TCF7L1: variants seen among roughly 807,000 people sequenced by gnomAD.
TCF7L1 encodes the protein transcription factor 7-like 1.
TCF7L1 carries 18 observed loss-of-function variants against 63.7 expected under a neutral mutation model. The ratio of observed to expected loss-of-function variants is 0.28; its 90% CI spans 0.20 to 0.42. The LOEUF (loss-of-function observed/expected upper bound fraction) is 0.42. Ranked by LOEUF, TCF7L1 falls within the 10% of genes least tolerant of loss-of-function variation. The pLI is 1.00. For synonymous variants in TCF7L1, 355 were observed against 340.9 expected (o/e 1.04, Z -0.46); for missense variants, 654 against 779.3 (o/e 0.84, Z 1.91).
intron 3 of TCF7L1, among the ~76,000 whole-genome samples, chr2:85,277,062 G>T (rs573021172): frequency 6.6e-6 from 1 of 152,072 alleles, no homozygotes; most frequent in Non-Finnish European, 1.5e-5. Flanking sequence ...TGTGCAGCTG[G>T]GGTGGGGGGC....
intron 3 of TCF7L1, among the ~76,000 whole-genome samples, chr2:85,231,406 G>A (rs147914359): frequency 6.6e-6 from 1 of 152,322 alleles, no homozygotes; most frequent in African/African-American, 2.4e-5. Flanking sequence ...TTTGTTGCCT[G>A]GCCTCTGCCT....
intron 3 of TCF7L1, among the ~76,000 whole-genome samples, chr2:85,156,300 T>C (rs1346260032): frequency 6.6e-6 from 1 of 152,192 alleles, no homozygotes; most frequent in Non-Finnish European, 1.5e-5. Flanking sequence ...ATCCACTAAG[T>C]CAAAGGGATT....
intron 3 of TCF7L1, among the ~76,000 whole-genome samples, chr2:85,177,297 G>A (rs1678698296): frequency 1.3e-5 from 2 of 152,124 alleles, no homozygotes; most frequent in Admixed American, 6.6e-5. Context: ...ATCACATTGG[G>A]GATTGGATTT....
At chr2:85,175,506 A>C (rs1335355241) in intron 3 of TCF7L1, among the ~76,000 whole-genome samples, 2 of 152,158 alleles carry the variant, frequency 1.3e-5, no homozygotes, top group African/African-American at 4.8e-5. Flanking sequence ...AGGCTTGAGC[A>C]TGGGTAGCCA....
In TCF7L1 at chr2:85,134,237, G is replaced by C; in HGVS notation, c.314-86G>C. 1 of 1,479,588 alleles carries C rather than the reference G, an allele frequency of 6.8e-7. No homozygotes were observed. The highest frequency in any genetic ancestry group is 2.4e-5 in the Admixed American group (1 of 41,450). The allele number at this position is 1,479,588 out of a possible 1,614,324, so 91.7% of individuals were successfully genotyped here. ...TGGGGCGCGCGTGGGGGGCGCTGGG[G>C]TCCCCAGCTCCCGCCTCGAGCCCCC... On this transcript the variant is annotated intron_variant, in intron 2 of 11. Coordinates refer to ENST00000282111, the MANE Select transcript of TCF7L1 (RefSeq NM_031283.3). This position sits in a 1 kb window ranked among gnomAD's most constrained non-coding sequence, Gnocchi z 5.0.
chr2:85,135,923 C>G (rs1677582318), intron 3 of TCF7L1, among the ~76,000 whole-genome samples: 1 of 56,030 alleles, frequency 1.8e-5, no homozygotes, highest in Non-Finnish European at 3.5e-5. Flanking sequence ...GAGGTGCGTG[C>G]CAATCAAAGG....
intron 3 of TCF7L1, among the ~76,000 whole-genome samples, chr2:85,276,403 C>G (rs1424815361): frequency 6.6e-6 from 1 of 152,144 alleles, no homozygotes; most frequent in Non-Finnish European, 1.5e-5. Context: ...GAAATGGGCT[C>G]CTGTGTGGCG....
intron 3 of TCF7L1, among the ~76,000 whole-genome samples, chr2:85,137,166 A>G (rs765104497): frequency 6.6e-6 from 1 of 152,232 alleles, no homozygotes; most frequent in Non-Finnish European, 1.5e-5. Flanking sequence ...ACCAAGCCAG[A>G]TGCAGAAGTG....
chr2:85,292,316 G>A lies in TCF7L1; in HGVS notation c.525+8738G>A, dbSNP rs1193501114. ...ATTACAGGCGTGAGCCACCGCGCCC[G>A]GCCGGTCATATGTATTTTTAAGGGA... On this transcript the variant is annotated intron_variant, in intron 4 of 11. Coordinates refer to ENST00000282111, the MANE Select transcript of TCF7L1 (RefSeq NM_031283.3). Among the ~76,000 whole-genome samples the A allele has an allele frequency of 1.7e-4, 2 of 11,864 alleles. 1 individual carries two copies. Among genetic ancestry groups the A allele is most frequent in the Admixed American group, 1.8e-3 (2 of 1,094 alleles). The allele number at this position is 11,864 out of a possible 152,430, so 7.8% of individuals were successfully genotyped here.
intron 4 of TCF7L1, among the ~76,000 whole-genome samples, chr2:85,295,598 C>T (rs535919805): frequency 6.6e-6 from 1 of 152,188 alleles, no homozygotes; most frequent in South Asian, 2.1e-4. Context: ...TTCCCCTGGG[C>T]TTTGTGCTTC....
chr2:85,134,205 G>A lies in TCF7L1; in HGVS notation c.314-118G>A. ...TTGCCCTCCGCCTTTATTGGCGGCAGCCCCCGTGGGGCGCGCGTGGGGGGC... is the reference window on the plus strand; with the variant it reads ...TTGCCCTCCGCCTTTATTGGCGGCAACCCCCGTGGGGCGCGCGTGGGGGGC... On this transcript the variant is annotated intron_variant, in intron 2 of 11. Transcript: ENST00000282111. The surrounding 1 kb of genome is among the most constrained non-coding windows in gnomAD (Gnocchi z 5.0). The A allele has an allele frequency of 2.0e-6, 3 of 1,482,664 alleles. No homozygotes were observed. The highest frequency in any genetic ancestry group is 2.7e-6 in the Non-Finnish European group (3 of 1,113,748). The allele number at this position is 1,482,664 out of a possible 1,614,324, so 91.8% of individuals were successfully genotyped here.
chr2:85,205,896 A>G (rs1487459661), intron 3 of TCF7L1, among the ~76,000 whole-genome samples: 1 of 152,246 alleles, frequency 6.6e-6, no homozygotes, highest in Non-Finnish European at 1.5e-5. Context: ...ACTTGATGGA[A>G]AAATTGAATG....
At chr2:85,240,706 G>A (rs1055947136) in intron 3 of TCF7L1, among the ~76,000 whole-genome samples, 2 of 151,318 alleles carry the variant, frequency 1.3e-5, no homozygotes, top group African/African-American at 4.9e-5. Context: ...AACCCAGGCG[G>A]CAGAGGTTGC....
chr2:85,288,867 C>T (rs1345536261), intron 4 of TCF7L1, among the ~76,000 whole-genome samples: 1 of 152,178 alleles, frequency 6.6e-6, no homozygotes, highest in Non-Finnish European at 1.5e-5. Context: ...CAGTGTCCCC[C>T]AGGAGCACTG....
intron 3 of TCF7L1, among the ~76,000 whole-genome samples, chr2:85,181,019 C>T (rs1290371557): frequency 1.3e-5 from 2 of 152,230 alleles, no homozygotes; most frequent in East Asian, 3.8e-4. Flanking sequence ...ACTGTTTCTC[C>T]TCTGCAGTTC....
chr2:85,152,036 A>G (rs962253703), intron 3 of TCF7L1, among the ~76,000 whole-genome samples: 1 of 152,204 alleles, frequency 6.6e-6, no homozygotes, highest in African/African-American at 2.4e-5. Context: ...TCCATTTGCA[A>G]TTATTATCCT....
At chr2:85,304,599 T>C (rs564201617) in intron 7 of TCF7L1, among the ~76,000 whole-genome samples, 1 of 152,306 alleles carries the variant, frequency 6.6e-6, no homozygotes, top group East Asian at 1.9e-4. Flanking sequence ...GCTCTGGCAC[T>C]GAAGCATTTT....
chr2:85,295,000 C>T (rs1057308320), intron 4 of TCF7L1, among the ~76,000 whole-genome samples: 3 of 152,038 alleles, frequency 2.0e-5, no homozygotes, highest in Non-Finnish European at 4.4e-5. Context: ...GGCCACTGCA[C>T]TCCAGCCTGG....
intron 3 of TCF7L1, chr2:85,204,980 C>T (rs1679368988): frequency 6.6e-6 from 1 of 151,756 alleles, no homozygotes; most frequent in Non-Finnish European, 1.5e-5. Flanking sequence ...AGAAGAGTAG[C>T]ATGGCTCCTG....
Sources: gnomAD v4.1 joint callset for allele counts (sites outside exome capture counted in the v4.1 genomes callset) on GRCh38, gnomAD v4.1.1 for gene constraint, Gnocchi (gnomAD v3.1) non-coding constraint, MANE v1.5 for transcripts, NCBI Gene and HGNC (gene_info 2026-07-23, HGNC 2026-07-21) for gene names.